The following RBFOX2 variants were observed in gnomAD, a reference collection of about 807,000 sequenced individuals.
RBFOX2 encodes RNA binding fox-1 homolog 2, also known as RNA binding protein fox-1 homolog 2.
In RBFOX2, 10 loss-of-function variants were observed where a neutral mutation model predicts 49.1. The observed-to-expected ratio is 0.20, with a 90% CI of 0.13 to 0.35. RBFOX2 has a LOEUF of 0.35. RBFOX2 is among the 10% of genes least tolerant of loss of function. The pLI is 1.00. For synonymous variants in RBFOX2, 183 were observed against 187.4 expected, an observed-to-expected ratio of 0.98 and a Z score of 0.19; for missense variants, 323 against 486.9, an observed-to-expected ratio of 0.66 and a Z score of 3.17.
At position 35,766,122 on chromosome 22, in the gene RBFOX2, A is replaced by G. The variant is rs1035899828; in HGVS notation, c.547-639T>C. Among the ~76,000 whole-genome samples the G allele has an allele frequency of 2.8e-4, 43 of 152,326 alleles. 1 individual carries two copies. The highest frequency in any genetic ancestry group is 2.4e-3 in the Admixed American group (36 of 15,302). On this transcript the variant is annotated intron_variant, in intron 5 of 11. Coordinates refer to ENST00000405409, the Ensembl canonical transcript of RBFOX2. The stretch of plus-strand genomic sequence containing the variant: ...AAAGAATTGAGAAAATAAAGTGTTT[A>G]TTTATTTTGTTTTATGGTACTCTCC...
rs542299873 is a variant in RBFOX2, at chr22:35,879,481, G to A, written c.-34+59366C>T. On this transcript the variant is annotated intron_variant, in intron 1 of 13. Transcript: ENST00000359369. ...TTATATCAGGGACTTGAGCATCTGC[G>A]GATTTGGGTATCTTTAAGAGGCTCT... 9.2e-5 allele frequency among the ~76,000 whole-genome samples: 14 copies of A among 152,254 alleles called. No individual in the cohort carries two copies. In the South Asian group the frequency reaches 2.5e-3, roughly 27 times the overall value.
chr22:35,977,612 A>G (rs1275504590), intron 1 of RBFOX2, among the ~76,000 whole-genome samples: 1 of 151,444 alleles, frequency 6.6e-6, no homozygotes, highest in Non-Finnish European at 1.5e-5. Flanking sequence ...GACGCATTTT[A>G]TATCTTGATT....
At chr22:35,878,643 G>T (rs1414633117) in intron 1 of RBFOX2, among the ~76,000 whole-genome samples, 1 of 152,200 alleles carries the variant, frequency 6.6e-6, no homozygotes, top group East Asian at 1.9e-4. Flanking sequence ...GTACCACTAT[G>T]TTGCCCATGC....
intron 1 of RBFOX2, among the ~76,000 whole-genome samples, chr22:35,951,128 G>GT (rs1284317728): frequency 6.8e-6 from 1 of 146,150 alleles, no homozygotes; most frequent in Non-Finnish European, 1.5e-5. Context: ...TAAATTTTTT[G>GT]TATTTTTAGT....
At chr22:35,753,072 A>C (rs1009115100) in intron 9 of RBFOX2, among the ~76,000 whole-genome samples, 6 of 152,348 alleles carry the variant, frequency 3.9e-5, no homozygotes, top group African/African-American at 1.4e-4. Flanking sequence ...TTAATAGCCT[A>C]AATTCATTTA....
intron 1 of RBFOX2, among the ~76,000 whole-genome samples, chr22:36,007,804 T>C (rs898784901): frequency 2.6e-4 from 39 of 152,314 alleles, no homozygotes; most frequent in Admixed American, 1.2e-3. Flanking sequence ...ATTTTCACAA[T>C]TGATATATTT....
intron 2 of RBFOX2, among the ~76,000 whole-genome samples, chr22:35,784,875 T>TA (rs1453762990): frequency 6.6e-6 from 1 of 152,226 alleles, no homozygotes; most frequent in Non-Finnish European, 1.5e-5. Context: ...GGCAGGCTCC[T>TA]AGGCCAGGGC....
chr22:35,787,652 A>G (rs549939225), intron 2 of RBFOX2, among the ~76,000 whole-genome samples: 1 of 152,348 alleles, frequency 6.6e-6, no homozygotes, highest in Non-Finnish European at 1.5e-5. Flanking sequence ...AAAGGGAAAT[A>G]AAAGTTTTTA....
intron 2 of RBFOX2, among the ~76,000 whole-genome samples, chr22:35,791,238 AGCCAGGCGTG>A: frequency 6.6e-6 from 1 of 152,166 alleles, no homozygotes; most frequent in Non-Finnish European, 1.5e-5. Context: ...TACAAAAATT[AGCCAGGCGTG>A]GTGGCGGGTG....
intron 1 of RBFOX2, among the ~76,000 whole-genome samples, chr22:36,011,850 G>A (rs1230123038): frequency 2.0e-5 from 3 of 152,140 alleles, no homozygotes; most frequent in Non-Finnish European, 4.4e-5. Context: ...ATTCTACTGA[G>A]CCTTAAAGAC....
intron 1 of RBFOX2, chr22:35,997,096 A>G (rs1490298641): frequency 6.6e-6 from 1 of 152,242 alleles, no homozygotes; most frequent in Non-Finnish European, 1.5e-5. Flanking sequence ...GGCTCTGATA[A>G]TATGAGACTT....
chr22:35,948,192 C>T (rs955036551), intron 1 of RBFOX2, among the ~76,000 whole-genome samples: 5 of 152,132 alleles, frequency 3.3e-5, no homozygotes, highest in African/African-American at 4.8e-5. Context: ...TACAGATGTG[C>T]AGCCTCGGAA....
At chr22:35,949,563 CTTG>C (rs1678775005) in intron 1 of RBFOX2, among the ~76,000 whole-genome samples, 1 of 152,206 alleles carries the variant, frequency 6.6e-6, no homozygotes, top group South Asian at 2.1e-4. Context: ...CTTACTTACA[CTTG>C]TTATTGTGTG....
intron 1 of RBFOX2, among the ~76,000 whole-genome samples, chr22:35,968,277 G>A (rs1214392891): frequency 6.6e-6 from 1 of 152,194 alleles, no homozygotes; most frequent in African/African-American, 2.4e-5. Flanking sequence ...AACCAATTTA[G>A]ATGAGCAACA....
intron 1 of RBFOX2, among the ~76,000 whole-genome samples, chr22:36,024,367 T>C (rs900324646): frequency 6.6e-6 from 1 of 152,156 alleles, no homozygotes; most frequent in African/African-American, 2.4e-5. Context: ...TAAGCATCAA[T>C]ATACCAAGAG....
At chr22:36,001,757 G>A (rs536304700) in intron 1 of RBFOX2, among the ~76,000 whole-genome samples, 12 of 150,164 alleles carry the variant, frequency 8.0e-5, no homozygotes, top group African/African-American at 2.7e-4. Flanking sequence ...GCAAGATCCT[G>A]TCTTAAGAAA....
intron 1 of RBFOX2, among the ~76,000 whole-genome samples, chr22:35,906,017 T>C (rs987051042): frequency 1.3e-5 from 2 of 152,200 alleles, no homozygotes; most frequent in African/African-American, 4.8e-5. Context: ...ATATAATATA[T>C]AGTCAGGTAT....
At position 35,760,069 on chromosome 22, in the gene RBFOX2, G is replaced by C. The variant is rs555869281; in HGVS notation, c.755-49C>G. The C allele has an allele frequency of 5.6e-6, 9 of 1,606,922 alleles. No homozygotes were observed. In the South Asian group the frequency reaches 8.8e-5, roughly 16 times the overall value. On this transcript the variant is annotated intron_variant, in intron 8 of 11. Coordinates refer to ENST00000405409, the Ensembl canonical transcript of RBFOX2. Reference sequence around the variant, plus strand: ...CAGAAATTTCAACTTGCATTCAATAGAAGGTGCACAGTCACAACTTGCTAT... The same window carrying C: ...CAGAAATTTCAACTTGCATTCAATACAAGGTGCACAGTCACAACTTGCTAT...
chr22:35,900,766 G>C (rs1181826752), intron 1 of RBFOX2, among the ~76,000 whole-genome samples: 1 of 152,108 alleles, frequency 6.6e-6, no homozygotes, highest in East Asian at 1.9e-4. Flanking sequence ...TAGATTTGAA[G>C]AATCTCAGGC....
Sources: gnomAD v4.1 joint callset for allele counts (sites outside exome capture counted in the v4.1 genomes callset) on GRCh38, gnomAD v4.1.1 for gene constraint, MANE v1.5 for transcripts, NCBI Gene and HGNC (gene_info 2026-07-23, HGNC 2026-07-21) for gene names.